Variants in CCDC14 observed in about 807,000 individuals in gnomAD.
The protein encoded by CCDC14 is coiled-coil domain containing 14.
A neutral mutation model predicts 81.4 loss-of-function variants in CCDC14; 71 were observed. That is an observed-to-expected ratio of 0.87 (90% CI 0.72 to 1.06). CCDC14 has a LOEUF of 1.06. CCDC14 is among the 50% of genes least tolerant of loss of function. CCDC14 has a pLI of 0.00. For synonymous variants in CCDC14, 332 were observed against 364.8 expected (o/e 0.91, Z 1.03); for missense variants, 1,046 against 1,047.3 (o/e 1.00, Z 0.02).
chr3:123,915,123 C>CT lies in CCDC14; in HGVS notation c.2373dup (p.Asp792ArgfsTer4), dbSNP rs1331895670. ...GCTCTGGAAAGTTTTTCAGGTGCAT[C>CT]TTCTGCTTCCTTTGTTGAAGAGGAA... On this transcript the variant is annotated frameshift_variant, in exon 13 of 13. Transcript: ENST00000409697. LOFTEE classifies it low-confidence loss of function (END_TRUNC). 14 of 1,613,854 alleles carry CT rather than the reference C, an allele frequency of 8.7e-6. No individual in the cohort carries two copies. Among genetic ancestry groups the CT allele is most frequent in the Non-Finnish European group, 1.2e-5 (14 of 1,179,814 alleles).
At chr3:123,923,719 TTAG>T (rs929290097) in intron 12 of CCDC14, among the ~76,000 whole-genome samples, 5 of 151,072 alleles carry the variant, frequency 3.3e-5, no homozygotes, top group African/African-American at 9.7e-5. Flanking sequence ...ACATATATTA[TTAG>T]TATTTACTAA....
chr3:123,956,267 CAATT>C, intron 3 of CCDC14, 84 bp downstream of exon 3: 1 of 1,233,234 alleles, frequency 8.1e-7, no homozygotes, highest in Non-Finnish European at 1.1e-6. Flanking sequence ...TTCCTTAGAG[CAATT>C]AATACTTTGC....
At chr3:123,933,416 C>G (rs964610823) in intron 10 of CCDC14, 1 of 427,372 alleles carries the variant, frequency 2.3e-6, no homozygotes, top group African/African-American at 2.0e-5. Flanking sequence ...GCCTGGCACA[C>G]AGTAGGTATT....
At chr3:123,953,372 T>C (rs2037144036) in intron 5 of CCDC14, 1 of 152,240 alleles carries the variant, frequency 6.6e-6, no homozygotes, top group Admixed American at 6.5e-5. Flanking sequence ...AAGCTCAGTG[T>C]TCCTCAGCTG....
At chr3:123,956,973 T>A (rs2037360806) in intron 1 of CCDC14, 178 bp from the exon 2 acceptor site, 1 of 427,422 alleles carries the variant, frequency 2.3e-6, no homozygotes, top group Admixed American at 4.2e-5. Flanking sequence ...GCAACTATCA[T>A]CCTAGTTTCT....
intron 12 of CCDC14, among the ~76,000 whole-genome samples, chr3:123,921,232 TAATCAA>T (rs1198834629): frequency 6.6e-6 from 1 of 152,210 alleles, no homozygotes; most frequent in East Asian, 1.9e-4. Context: ...GTAAATTCTC[TAATCAA>T]AAGACAGAGT....
chr3:123,961,209 G>A lies in CCDC14; in HGVS notation c.-36C>T. 5.2e-6 allele frequency: 8 copies of A among 1,551,650 alleles called. No individual in the cohort carries two copies. The highest frequency in any genetic ancestry group is 6.1e-6 in the Non-Finnish European group (7 of 1,147,004). ...CTCAGAGAAGCCCAGACCGAGGGAA[G>A]TGAAGCCTCACGGTAAAAAGAATTA... On this transcript the variant is annotated 5_prime_UTR_variant, in exon 1 of 13. Coordinates refer to ENST00000409697, the MANE Select transcript of CCDC14 (RefSeq NM_001366335.1).
chr3:123,897,565 C>T, exon 6 of CCDC14: 1 of 1,190,226 alleles, frequency 8.4e-7, no homozygotes, highest in South Asian at 1.5e-5. Context: ...CTGTATTGGG[C>T]TTTTGTGTAA....
downstream of CCDC14, among the ~76,000 whole-genome samples, chr3:123,911,099 G>A (rs1464550552): frequency 1.3e-5 from 2 of 152,204 alleles, no homozygotes; most frequent in African/African-American, 4.8e-5. Context: ...GAATCTTCCA[G>A]TAGTAGGTAT....
chr3:123,925,893 AAT>A (rs2035332788), intron 12 of CCDC14, among the ~76,000 whole-genome samples: 2 of 152,184 alleles, frequency 1.3e-5, no homozygotes, highest in African/African-American at 4.8e-5. Context: ...GTACCCCATA[AAT>A]ATAGTTAAAA....
chr3:123,919,541 G>T (rs1426933247), intron 12 of CCDC14, among the ~76,000 whole-genome samples: 1 of 152,186 alleles, frequency 6.6e-6, no homozygotes, highest in Non-Finnish European at 1.5e-5. Flanking sequence ...GAGCCCAGCT[G>T]GCAGCTCCAC....
intron 5 of CCDC14, among the ~76,000 whole-genome samples, chr3:123,901,502 C>G (rs1210718262): frequency 1.3e-5 from 2 of 151,634 alleles, no homozygotes; most frequent in Non-Finnish European, 2.9e-5. Context: ...AAGTGTTGAA[C>G]TGCCATCTTA....
Position 123,914,419 on chromosome 3 carries a change from C to T in CCDC14, c.*360G>A. ...CTAGTTTCAACAGAAAAACTTACATCCAGAGATTCTTTTCCCATTATTTCT... is the reference window on the plus strand; with the variant it reads ...CTAGTTTCAACAGAAAAACTTACATTCAGAGATTCTTTTCCCATTATTTCT... On this transcript the variant is annotated 3_prime_UTR_variant, in exon 13 of 13. Coordinates refer to ENST00000409697, the MANE Select transcript of CCDC14 (RefSeq NM_001366335.1). 1 of 989,356 alleles carries T rather than the reference C, an allele frequency of 1.0e-6. No homozygotes were observed. Among genetic ancestry groups the T allele is most frequent in the Non-Finnish European group, 1.2e-6 (1 of 832,882 alleles). 61.3% of individuals were successfully genotyped at this position (989,356 alleles called of 1,614,324 possible).
chr3:123,949,395 T>A (rs939656669), intron 5 of CCDC14: 1 of 429,114 alleles, frequency 2.3e-6, no homozygotes, highest in Non-Finnish European at 4.1e-6. Flanking sequence ...ATTTGTAAAA[T>A]CTCTCCTTCA....
rs371420050 is a variant in CCDC14 at position 123,956,723 on chromosome 3, C to T, written c.86+17G>A. On this transcript the variant is annotated intron_variant, in intron 2 of 12. Transcript: ENST00000409697. ...ATTCCTTGAAATCTGAAGTTGTAAACGTCTTCAAGTACTTACGCTTTCTTT... is the reference window on the plus strand; with the variant it reads ...ATTCCTTGAAATCTGAAGTTGTAAATGTCTTCAAGTACTTACGCTTTCTTT... 4 of 1,540,660 alleles carry T rather than the reference C, an allele frequency of 2.6e-6. No homozygotes were observed. The highest frequency in any genetic ancestry group is 2.5e-5 in the East Asian group (1 of 40,742).
chr3:123,940,958 T>C (rs534095377), intron 9 of CCDC14, among the ~76,000 whole-genome samples: 3 of 152,242 alleles, frequency 2.0e-5, no homozygotes, highest in African/African-American at 4.8e-5. Context: ...GGAAGAATTA[T>C]GCTAACATTT....
At chr3:123,886,903 A>G in the CCDC14 span, among the ~76,000 whole-genome samples, 1 of 152,122 alleles carries the variant, frequency 6.6e-6, no homozygotes, top group Non-Finnish European at 1.5e-5. Flanking sequence ...TCAGGACTGT[A>G]GTTTTTACTT....
At chr3:123,918,193 T>G (rs1199611921) in intron 12 of CCDC14, among the ~76,000 whole-genome samples, 1 of 152,228 alleles carries the variant, frequency 6.6e-6, no homozygotes, top group Non-Finnish European at 1.5e-5. Flanking sequence ...GTATATAGGA[T>G]AAATTATTTT....
the CCDC14 span, among the ~76,000 whole-genome samples, chr3:123,891,288 C>T: frequency 6.6e-6 from 1 of 152,210 alleles, no homozygotes; most frequent in African/African-American, 2.4e-5. Flanking sequence ...ACATTTGGCT[C>T]CTGTTACTTA....
Sources: gnomAD v4.1 joint callset for allele counts (sites outside exome capture counted in the v4.1 genomes callset) on GRCh38, gnomAD v4.1.1 for gene constraint, MANE v1.5 for transcripts, NCBI Gene and HGNC (gene_info 2026-07-23, HGNC 2026-07-21) for gene names.